The following TCF4 variants were observed in gnomAD, a reference collection of about 807,000 sequenced individuals.
TCF4 encodes the protein transcription factor 4, also known as SL3-3 enhancer factor 2.
A neutral mutation model predicts 82.1 loss-of-function variants in TCF4; 3 were observed. That is an observed-to-expected ratio of 0.04 (90% CI 0.02 to 0.09). TCF4 has a LOEUF of 0.09. TCF4 is among the 10% of genes least tolerant of loss of function. The pLI is 1.00. For missense variants in TCF4, 518 were observed against 852.7 expected (o/e 0.61, Z 4.89); for synonymous variants, 276 against 309.6 (o/e 0.89, Z 1.14).
At chr18:55,389,956 G>C (rs982701707) in intron 6 of TCF4, among the ~76,000 whole-genome samples, 1 of 151,974 alleles carries the variant, frequency 6.6e-6, no homozygotes, top group Admixed American at 6.6e-5. Flanking sequence ...ATGGTGGCTG[G>C]GAGTCAGTCA....
chr18:55,603,065 T>TG (rs965190843), intron 2 of TCF4, among the ~76,000 whole-genome samples: 13 of 152,192 alleles, frequency 8.5e-5, no homozygotes, highest in Non-Finnish European at 1.3e-4. Flanking sequence ...GTAATATACC[T>TG]GGGTTCAGAT....
intron 8 of TCF4, among the ~76,000 whole-genome samples, chr18:55,299,121 A>T (rs1164287149): frequency 6.6e-6 from 1 of 152,184 alleles, no homozygotes; most frequent in Non-Finnish European, 1.5e-5. Flanking sequence ...CATTTAAAAA[A>T]CTTTCTTGGC....
chr18:55,515,814 G>A (rs1214925158), intron 3 of TCF4, among the ~76,000 whole-genome samples: 2 of 152,054 alleles, frequency 1.3e-5, no homozygotes, highest in Non-Finnish European at 2.9e-5. Context: ...TTTGGAGGGG[G>A]GTGGGCGTAT....
chr18:55,348,605 T>C (rs770510959), intron 8 of TCF4, among the ~76,000 whole-genome samples: 1 of 152,204 alleles, frequency 6.6e-6, no homozygotes, highest in Non-Finnish European at 1.5e-5. Flanking sequence ...AGTAAAATTT[T>C]CTAAAGGGGC....
chr18:55,501,358 T>A (rs1485476919), intron 3 of TCF4, among the ~76,000 whole-genome samples: 1 of 152,116 alleles, frequency 6.6e-6, no homozygotes. Context: ...CTTAAGGCCA[T>A]AACAATATAT....
intron 8 of TCF4, among the ~76,000 whole-genome samples, chr18:55,282,976 T>C (rs1012852101): frequency 6.6e-6 from 1 of 152,114 alleles, no homozygotes; most frequent in African/African-American, 2.4e-5. Flanking sequence ...TCACAGCTCT[T>C]TTAGTAACCT....
chr18:55,484,792 T>G lies in TCF4; in HGVS notation c.146-20655A>C, dbSNP rs1021001110. Among the ~76,000 whole-genome samples the G allele has an allele frequency of 1.4e-4, 21 of 152,358 alleles. No homozygotes were observed. The South Asian group carries it at 3.3e-3, about 24-fold the overall frequency. ...TTCAGAATGTGAGTTTATCAGAAGA[T>G]ACAATGACACTGTTAGTTCTGTTGG... On this transcript the variant is annotated intron_variant, in intron 3 of 19. Transcript: ENST00000354452.
chr18:55,488,073 T>C (rs1315990148), intron 3 of TCF4, among the ~76,000 whole-genome samples: 2 of 152,362 alleles, frequency 1.3e-5, no homozygotes, highest in East Asian at 3.9e-4. Flanking sequence ...AAGGATTTGC[T>C]ATAAAACTGC....
chr18:55,598,956 G>A (rs2097693981), intron 2 of TCF4, among the ~76,000 whole-genome samples: 1 of 152,164 alleles, frequency 6.6e-6, no homozygotes, highest in African/African-American at 2.4e-5. Context: ...AGCTGTTGGT[G>A]CCCCCTGAAC....
intron 3 of TCF4, among the ~76,000 whole-genome samples, chr18:55,560,099 C>T (rs377333874): frequency 6.6e-6 from 1 of 152,172 alleles, no homozygotes; most frequent in Non-Finnish European, 1.5e-5. Flanking sequence ...TTCACCATTG[C>T]TGTTTTATAT....
At chr18:55,551,457 C>T (rs1023723460) in intron 3 of TCF4, 1 of 152,378 alleles carries the variant, frequency 6.6e-6, no homozygotes, top group Non-Finnish European at 1.5e-5. Context: ...GTAAGCTTTT[C>T]CAAGGTCACA....
intron 6 of TCF4, among the ~76,000 whole-genome samples, chr18:55,375,823 T>A (rs1205315498): frequency 6.6e-6 from 1 of 151,940 alleles, no homozygotes; most frequent in Non-Finnish European, 1.5e-5. Context: ...AGTATGAAAC[T>A]TGACTGAAGC....
chr18:55,269,698 G>T, intron 11 of TCF4, 133 bp downstream of exon 11: 1 of 1,172,672 alleles, frequency 8.5e-7, no homozygotes, highest in Non-Finnish European at 1.2e-6. Context: ...TGGTACATTT[G>T]TGTGTTCATT....
chr18:55,346,555 G>A, intron 8 of TCF4, among the ~76,000 whole-genome samples: 1 of 152,080 alleles, frequency 6.6e-6, no homozygotes, highest in East Asian at 1.9e-4. Flanking sequence ...CTATTTCTAA[G>A]GATAAAATAT....
intron 3 of TCF4, among the ~76,000 whole-genome samples, chr18:55,520,621 C>T (rs1029740471): frequency 1.3e-5 from 2 of 152,136 alleles, no homozygotes; most frequent in Non-Finnish European, 2.9e-5. Context: ...CCCTGAAAAA[C>T]ATATTCTGTG....
At chr18:55,324,255 G>GA (rs1487375573) in intron 8 of TCF4, among the ~76,000 whole-genome samples, 1 of 152,182 alleles carries the variant, frequency 6.6e-6, no homozygotes, top group Non-Finnish European at 1.5e-5. Flanking sequence ...ATAATGCTTT[G>GA]AAAGGTGATC....
chr18:55,435,796 T>G (rs1298985248), intron 5 of TCF4, among the ~76,000 whole-genome samples: 1 of 152,244 alleles, frequency 6.6e-6, no homozygotes, highest in African/African-American at 2.4e-5. Context: ...AAATGTCAAC[T>G]ACCCTGAGTT....
At chr18:55,447,852 T>C (rs939270562) in intron 5 of TCF4, among the ~76,000 whole-genome samples, 4 of 152,196 alleles carry the variant, frequency 2.6e-5, no homozygotes, top group African/African-American at 9.6e-5. Context: ...AAACTGCTTA[T>C]GATACAACCA....
intron 3 of TCF4, among the ~76,000 whole-genome samples, chr18:55,513,672 C>G (rs2096851646): frequency 6.6e-6 from 1 of 152,002 alleles, no homozygotes; most frequent in Non-Finnish European, 1.5e-5. Context: ...AACGCAATAA[C>G]CTTTAATGGC....
Sources: allele counts gnomAD v4.1 joint callset (sites outside exome capture counted in the v4.1 genomes callset), GRCh38; gene constraint gnomAD v4.1.1; transcripts MANE v1.5; gene names NCBI Gene and HGNC (gene_info 2026-07-23, HGNC 2026-07-21).